MUC12: variants seen among roughly 807,000 people sequenced by gnomAD.
The protein encoded by MUC12 is mucin-12.
A neutral mutation model predicts 230.8 loss-of-function variants in MUC12; 172 were observed. The ratio of observed to expected loss-of-function variants is 0.75; its 90% CI spans 0.66 to 0.85. MUC12 has a LOEUF of 0.85. MUC12 is among the 40% of genes least tolerant of loss of function. The pLI is 0.00. For synonymous variants in MUC12, 1,259 were observed against 2,401.9 expected, an observed-to-expected ratio of 0.52 and a Z score of 13.91; for missense variants, 3,506 against 5,920.6, an observed-to-expected ratio of 0.59 and a Z score of 13.38.
At chr7:100,990,590 C>T (rs1793264663) in intron 1 of MUC12, 41 bp from the exon 2 acceptor site, 2 of 1,536,408 alleles carry the variant, frequency 1.3e-6, no homozygotes, top group South Asian at 1.2e-5. Context: ...AGGAGACAGT[C>T]ATAAATCATA....
In MUC12 at chr7:101,018,798, C is replaced by G. The variant is rs1323856534; in HGVS notation, c.*162C>G. 3.0e-6 allele frequency: 2 copies of G among 665,608 alleles called. No individual in the cohort carries two copies. Among genetic ancestry groups the G allele is most frequent in the African/African-American group, 3.8e-5 (2 of 52,788 alleles). 41.2% of individuals were successfully genotyped at this position (665,608 alleles called of 1,614,324 possible). A position where few individuals can be genotyped will look rare whatever the true frequency, so the allele number is the denominator to read the frequency against. On this transcript the variant is annotated 3_prime_UTR_variant, in exon 12 of 12. Coordinates refer to ENST00000536621, the MANE Select transcript of MUC12 (RefSeq NM_001164462.2). ...CTTGGCCAGTCCCCTGCCTGTGCTC[C>G]TGCTGGGGAAGGCTGGGGGCTGTAA...
chr7:100,985,286 G>C (rs1367975810), intron 1 of MUC12, among the ~76,000 whole-genome samples: 1 of 152,164 alleles, frequency 6.6e-6, no homozygotes, highest in Non-Finnish European at 1.5e-5. Context: ...CAGTTCCTGG[G>C]TGGGGGCCAC....
In MUC12 at chr7:100,991,427, G is replaced by A. The variant is rs61742928; in HGVS notation, c.864G>A (p.Ser288=). 19 of 1,537,686 alleles carry A rather than the reference G, an allele frequency of 1.2e-5. No homozygotes were observed. In the South Asian group the frequency reaches 1.4e-4, roughly 12 times the overall value. ...FQSWPSSKDT[S]PAPSGTTSAF... is the part of the protein sequence containing the mutation. ...GCTGGCCAAGCTCAAAGGACACTTC[G>A]CCTGCACCTTCTGGTACCACATCAG... is the stretch of plus-strand genomic sequence containing the variant. Residue 288 remains serine, a synonymous_variant, in exon 2 of 12, where the codon TCG becomes TCA. Transcript: ENST00000536621.
In MUC12 at chr7:101,005,460, C is replaced by G. The variant is rs1019920050; in HGVS notation, c.14897C>G (p.Thr4966Ser). ...GLTEESTTFH[T>S]SPSFTSTIVS... ...ACTGAGGAATCTACCACCTTCCACA[C>G]CAGTCCAAGCTTCACTTCTACAATT... Residue 4966 changes from threonine (T) to serine (S), a missense_variant, in exon 2 of 12, where the codon ACC becomes AGC. Physicochemically the swap from Thr to Ser is moderately conservative, Grantham distance 58. Coordinates refer to ENST00000536621, the MANE Select transcript of MUC12 (RefSeq NM_001164462.2). The G allele has an allele frequency of 4.6e-6, 7 of 1,537,690 alleles. No homozygotes were observed. The African/African-American group carries it at 9.6e-5, about 21-fold the overall frequency.
rs1191161970 is a variant in MUC12 at position 101,008,626 on chromosome 7, T to C, written c.15059-8T>C. 6.5e-7 allele frequency: 1 copy of C among 1,536,880 alleles called. No individual in the cohort carries two copies. Among genetic ancestry groups the C allele is most frequent in the Admixed American group, 2.0e-5 (1 of 50,992 alleles). ...CTGTCTCACGCATACCATGGCCTTTTCCCACAGAAACCCCGGAAAAACTCA... is the reference window on the plus strand; with the variant it reads ...CTGTCTCACGCATACCATGGCCTTTCCCCACAGAAACCCCGGAAAAACTCA... On this transcript the variant is annotated splice_polypyrimidine_tract_variant and splice_region_variant and intron_variant, in intron 3 of 11. Coordinates refer to ENST00000536621, the MANE Select transcript of MUC12 (RefSeq NM_001164462.2).
At chr7:101,009,361 C>T (rs764596294) in intron 5 of MUC12, among the ~76,000 whole-genome samples, 3 of 152,178 alleles carry the variant, frequency 2.0e-5, no homozygotes, top group Non-Finnish European at 4.4e-5. Context: ...TGAAAGCCAG[C>T]CCCCTGCTGG....
intron 9 of MUC12, among the ~76,000 whole-genome samples, chr7:101,014,779 T>C: frequency 3.7e-5 from 1 of 26,864 alleles, no homozygotes; most frequent in South Asian, 1.9e-3. Flanking sequence ...TGCCCGGCCT[T>C]AAATTAAATT....
Position 100,991,206 on chromosome 7 carries a change from T to A in MUC12, c.643T>A (p.Ser215Thr). 2 of 1,537,262 alleles carry A rather than the reference T, an allele frequency of 1.3e-6. No individual in the cohort carries two copies. The highest frequency in any genetic ancestry group is 8.7e-7 in the Non-Finnish European group (1 of 1,146,846). The change falls in exon 2 of 12, where the codon TCA becomes ACA. Residue 215 changes from serine (S) to threonine (T), a missense_variant. Coordinates refer to ENST00000536621, the MANE Select transcript of MUC12 (RefSeq NM_001164462.2). ...TTLSPGTTTP[S>T]SLGPESTTFH... ...ACTGTCCCCTGGCACTACCACACCA[T>A]CATCCCTTGGTCCAGAATCTACTAC...
In MUC12 at chr7:100,990,931, C is replaced by G; in HGVS notation, c.368C>G (p.Ala123Gly). 6.5e-7 allele frequency: 1 copy of G among 1,537,898 alleles called. No individual in the cohort carries two copies. The part of the protein sequence containing the change: ...PITSASMETT[A>G]LPGSTTTAGL... Reference sequence around the variant, plus strand: ...ACTTCAGCCTCAATGGAAACAACAGCGTTACCTGGCAGTACCACAACAGCA... The same window carrying G: ...ACTTCAGCCTCAATGGAAACAACAGGGTTACCTGGCAGTACCACAACAGCA... Residue 123 changes from alanine (A) to glycine (G), a missense_variant, in exon 2 of 12, where the codon GCG becomes GGG. Ala to Gly is a moderately conservative substitution (Grantham distance 60, BLOSUM62 0). Transcript: ENST00000536621.
At position 100,993,540 on chromosome 7, in the gene MUC12, G is replaced by C; in HGVS notation, c.2977G>C (p.Ala993Pro). 1.0e-6 allele frequency: 1 copy of C among 1,004,684 alleles called. No homozygotes were observed. Among genetic ancestry groups the C allele is most frequent in the South Asian group, 1.7e-5 (1 of 60,062 alleles). The allele number at this position is 1,004,684 out of a possible 1,614,324, so 62.2% of individuals were successfully genotyped here. The change falls in exon 2 of 12, where the codon GCC becomes CCC. Residue 993 changes from alanine (A) to proline (P), a missense_variant. Ala to Pro is a conservative substitution (Grantham distance 27). Coordinates refer to ENST00000536621, the MANE Select transcript of MUC12 (RefSeq NM_001164462.2). ...CCCTGGACTTCAGGGAGAATCTACT[G>C]CCTTCCAGACCCACCCAGCCTCAAC... The part of the protein sequence containing the change: ...TSPGLQGEST[A>P]FQTHPASTHT...
intron 3 of MUC12, among the ~76,000 whole-genome samples, chr7:101,007,210 C>T (rs988904515): frequency 4.6e-5 from 7 of 152,190 alleles, no homozygotes; most frequent in Non-Finnish European, 7.3e-5. Flanking sequence ...CCTCCTGCCT[C>T]GGCCTCCCAA....
chr7:100,990,620 T>A lies in MUC12; in HGVS notation c.68-11T>A. 6.5e-7 allele frequency: 1 copy of A among 1,537,312 alleles called. No individual in the cohort carries two copies. The highest frequency in any genetic ancestry group is 8.7e-7 in the Non-Finnish European group (1 of 1,146,896). On this transcript the variant is annotated splice_polypyrimidine_tract_variant and intron_variant, in intron 1 of 11. Coordinates refer to ENST00000536621, the MANE Select transcript of MUC12 (RefSeq NM_001164462.2). The stretch of plus-strand genomic sequence containing the variant: ...ATCATAGCACTTTCTCTGGTTTCTC[T>A]CAAATCACAGGCTCAACAGTAAACA...
At chr7:100,976,059 A>T in intron 1 of MUC12, among the ~76,000 whole-genome samples, 1 of 152,298 alleles carries the variant, frequency 6.6e-6, no homozygotes. Flanking sequence ...TGGGAGACCG[A>T]GGTGGGAGGA....
chr7:101,003,483 C>T lies in MUC12; in HGVS notation c.12920C>T (p.Thr4307Ile), dbSNP rs1279063274. 1.3e-6 allele frequency: 2 copies of T among 1,511,440 alleles called. No homozygotes were observed. The highest frequency in any genetic ancestry group is 8.8e-7 in the Non-Finnish European group (1 of 1,131,304). 93.6% of individuals were successfully genotyped at this position (1,511,440 alleles called of 1,614,324 possible). Residue 4307 changes from threonine (T) to isoleucine (I), a missense_variant, in exon 2 of 12, where the codon ACT becomes ATT. By Grantham distance (89) the Thr-to-Ile change is moderately conservative. Coordinates refer to ENST00000536621, the MANE Select transcript of MUC12 (RefSeq NM_001164462.2). ...GCATCTACACCCGTCCACAGCAGCA[C>T]TGGATCGCCACACACAACACTGTCC... ...LEASTPVHSS[T>I]GSPHTTLSPA...
Position 100,995,812 on chromosome 7 carries a change from C to A in MUC12, c.5249C>A (p.Ala1750Glu), listed in dbSNP as rs1562786281. 1 of 1,482,904 alleles carries A rather than the reference C, an allele frequency of 6.7e-7. No individual in the cohort carries two copies. The allele number at this position is 1,482,904 out of a possible 1,614,324, so 91.9% of individuals were successfully genotyped here. Reference sequence around the variant, plus strand: ...ACAACAGTCCACAGCAGCCCAGTTGCAACTGCAACAACACCCTCGCCTGCC... The same window carrying A: ...ACAACAGTCCACAGCAGCCCAGTTGAAACTGCAACAACACCCTCGCCTGCC... ...ESTTVHSSPV[A>E]TATTPSPARS... is the part of the protein sequence containing the mutation. The change falls in exon 2 of 12, where the codon GCA becomes GAA. Residue 1750 changes from alanine to glutamate, a missense_variant. Transcript: ENST00000536621.
chr7:100,992,008 G>A lies in MUC12; in HGVS notation c.1445G>A (p.Gly482Asp), dbSNP rs569850146. The change falls in exon 2 of 12, where the codon GGC (glycine) becomes GAC (aspartate). Residue 482 changes from glycine to aspartate, a missense_variant. By Grantham distance (94) the Gly-to-Asp change is moderately conservative. Coordinates refer to ENST00000536621, the MANE Select transcript of MUC12 (RefSeq NM_001164462.2). ...SGSMETTALP[G>D]STTKPGLSEK... Reference sequence around the variant, plus strand: ...TCAATGGAAACCACAGCGTTACCCGGCAGTACCACAAAACCAGGCCTCAGT... The same window carrying A: ...TCAATGGAAACCACAGCGTTACCCGACAGTACCACAAAACCAGGCCTCAGT... 269 of 1,537,938 alleles carry A rather than the reference G, an allele frequency of 1.7e-4. No homozygotes were observed. In the East Asian group the frequency reaches 6.2e-3, roughly 35 times the overall value.
chr7:100,973,976 G>C (rs60871055), intron 1 of MUC12, among the ~76,000 whole-genome samples: 1,686 of 151,728 alleles, frequency 0.011, 36 homozygotes, highest in African/African-American at 0.038. Context: ...AACATAGGGA[G>C]ACCCCATCTC....
At chr7:100,990,538 C>T in intron 1 of MUC12, 93 bp from the exon 2 acceptor site, 1 of 1,453,806 alleles carries the variant, frequency 6.9e-7, no homozygotes, top group Non-Finnish European at 9.3e-7. Context: ...GACCAGGTGT[C>T]TTCCAGCCCG....
chr7:101,009,606 G>A (rs1433819330), intron 5 of MUC12, among the ~76,000 whole-genome samples: 1 of 152,198 alleles, frequency 6.6e-6, no homozygotes, highest in Admixed American at 6.5e-5. Flanking sequence ...GCCAATGGGG[G>A]AGGATCACTT....
Sources: gnomAD v4.1 joint callset for allele counts (sites outside exome capture counted in the v4.1 genomes callset) on GRCh38, gnomAD v4.1.1 for gene constraint, MANE v1.5 for transcripts, NCBI Gene and HGNC (gene_info 2026-07-23, HGNC 2026-07-21) for gene names.